BRWD1: variants seen among roughly 807,000 people sequenced by gnomAD.
BRWD1 encodes the protein bromodomain and WD repeat-containing protein 1.
Under a neutral mutation model 251.2 loss-of-function variants are expected in BRWD1, and 82 were observed. The ratio of observed to expected loss-of-function variants is 0.33; its 90% CI spans 0.27 to 0.39. The LOEUF (loss-of-function observed/expected upper bound fraction) is 0.39, where lower values mean the gene tolerates loss of function less well. BRWD1 is among the 10% of genes least tolerant of loss of function. BRWD1 has a pLI of 1.00. For synonymous variants in BRWD1, 918 were observed against 902.8 expected (o/e 1.02, Z -0.30); for missense variants, 2,233 against 2,711.6 (o/e 0.82, Z 3.92).
chr21:39,293,975 T>C lies in BRWD1; in HGVS notation c.667A>G (p.Thr223Ala), dbSNP rs1290186325. Reference protein sequence around the residue: ...WSTHNGRLLSTLRGHSAEISD... With the variant: ...WSTHNGRLLSALRGHSAEISD... ...ATTTCTGCAGAATGACCTCTTAATG[T>C]AGATAACAAGCGGCCATTATGTGTT... The change falls in exon 8 of 41, where the codon ACA becomes GCA. Residue 223 changes from threonine (T) to alanine (A), a missense_variant. Physicochemically the swap from Thr to Ala is moderately conservative, Grantham distance 58. Transcript: ENST00000342449. 2 of 1,614,236 alleles carry C rather than the reference T, an allele frequency of 1.2e-6. No homozygotes were observed. Among genetic ancestry groups the C allele is most frequent in the East Asian group, 2.2e-5 (1 of 44,878 alleles).
chr21:39,290,174 G>A (rs2035766264), intron 8 of BRWD1, among the ~76,000 whole-genome samples: 1 of 151,816 alleles, frequency 6.6e-6, no homozygotes, highest in African/African-American at 2.4e-5. Flanking sequence ...AGTTTCATCA[G>A]TTGTGTTCAG....
chr21:39,283,796 T>C (rs920904858), intron 8 of BRWD1, among the ~76,000 whole-genome samples: 10 of 152,354 alleles, frequency 6.6e-5, no homozygotes, highest in South Asian at 4.1e-4. Flanking sequence ...TGTTTTGTTA[T>C]GCCCCCTCAA....
At chr21:39,229,706 C>A (rs1272819598) in intron 25 of BRWD1, among the ~76,000 whole-genome samples, 1 of 152,122 alleles carries the variant, frequency 6.6e-6, no homozygotes, top group African/African-American at 2.4e-5. Flanking sequence ...TATCTAACGA[C>A]AATCACTGTT....
chr21:39,264,710 G>C (rs746754632), intron 16 of BRWD1, 25 bp from the exon 17 acceptor site: 4 of 1,548,978 alleles, frequency 2.6e-6, no homozygotes, highest in Middle Eastern at 2.0e-4. Flanking sequence ...TTCACAGGAT[G>C]ACATTTTAAG....
chr21:39,305,845 G>A (rs775050880), intron 4 of BRWD1, among the ~76,000 whole-genome samples: 68 of 146,048 alleles, frequency 4.7e-4, no homozygotes, highest in Non-Finnish European at 7.1e-4. Flanking sequence ...GCCTGGCGAC[G>A]GTGCAAGACT....
chr21:39,191,122 A>C lies in BRWD1; in HGVS notation c.*5137T>G. 1 of 985,390 alleles carries C rather than the reference A, an allele frequency of 1.0e-6. No individual in the cohort carries two copies. Among genetic ancestry groups the C allele is most frequent in the Non-Finnish European group, 1.2e-6 (1 of 829,896 alleles). 61.0% of individuals were successfully genotyped at this position (985,390 alleles called of 1,614,324 possible). ...CTTAAGAGCATTTCACACTAAATGC[A>C]GGCAGAATCAGAAGTAAATACTTGT... is the stretch of plus-strand genomic sequence containing the variant. On this transcript the variant is annotated 3_prime_UTR_variant, in exon 41 of 41. Transcript: ENST00000342449.
Position 39,192,698 on chromosome 21 carries a change from C to A in BRWD1, c.*3561G>T. On this transcript the variant is annotated 3_prime_UTR_variant, in exon 41 of 41. Coordinates refer to ENST00000342449, the MANE Select transcript of BRWD1 (RefSeq NM_033656.4). ...GCTTTAAAAGGGCAAAGCAAAAAGA[C>A]CATTTTCTAGCCATTTAAAAGTTAC... 4.1e-6 allele frequency: 4 copies of A among 985,046 alleles called. No individual in the cohort carries two copies. Among genetic ancestry groups the A allele is most frequent in the Non-Finnish European group, 4.8e-6 (4 of 829,736 alleles). 61.0% of individuals were successfully genotyped at this position (985,046 alleles called of 1,614,324 possible). A position where few individuals can be genotyped will look rare whatever the true frequency, so the allele number is the denominator to read the frequency against.
At chr21:39,198,216 T>G (rs763394118) in intron 40 of BRWD1, among the ~76,000 whole-genome samples, 2 of 152,200 alleles carry the variant, frequency 1.3e-5, no homozygotes, top group Non-Finnish European at 2.9e-5. Context: ...TTTCACCACT[T>G]TGTGCTCCAG....
chr21:39,275,876 T>C (rs989411225), intron 12 of BRWD1, among the ~76,000 whole-genome samples: 7 of 151,838 alleles, frequency 4.6e-5, no homozygotes, highest in African/African-American at 7.3e-5. Context: ...CTACTAAAAA[T>C]ACAAAGTTAG....
intron 8 of BRWD1, among the ~76,000 whole-genome samples, chr21:39,288,829 T>A (rs2035721825): frequency 6.6e-6 from 1 of 152,150 alleles, no homozygotes; most frequent in Non-Finnish European, 1.5e-5. Flanking sequence ...TTGAATAGGC[T>A]GAAGAGGAGG....
intron 9 of BRWD1, among the ~76,000 whole-genome samples, chr21:39,279,638 CAAAAAAAAAAAA>C (rs77282416): frequency 7.5e-5 from 5 of 66,892 alleles, no homozygotes; most frequent in East Asian, 1.6e-3. Context: ...GACTCCATCT[CAAAAAAAAAAAA>C]AAAAAAGAAA....
intron 4 of BRWD1, among the ~76,000 whole-genome samples, chr21:39,308,162 A>T (rs2036349284): frequency 6.6e-6 from 1 of 150,948 alleles, no homozygotes; most frequent in Admixed American, 6.6e-5. Context: ...AGCCTTAGCC[A>T]CCACACTTGG....
intron 21 of BRWD1, among the ~76,000 whole-genome samples, chr21:39,246,606 A>G (rs2034198090): frequency 6.6e-6 from 1 of 152,242 alleles, no homozygotes; most frequent in Non-Finnish European, 1.5e-5. Flanking sequence ...TGGAAACAAT[A>G]CAAATGTCCA....
rs141329925 is a variant in BRWD1 at position 39,200,270 on chromosome 21, T to C, written c.4702A>G (p.Arg1568Gly). The C allele has an allele frequency of 8.9e-5, 144 of 1,613,978 alleles. No individual in the cohort carries two copies. The highest frequency in any genetic ancestry group is 1.2e-4 in the Non-Finnish European group (141 of 1,179,962). Reference protein sequence around the residue: ...RESSSRSGLSRSSNLRVTRTR... With the variant: ...RESSSRSGLSGSSNLRVTRTR... ...CTGGTTACCCTGAGATTGCTGCTTC[T>C]GGATAGCCCACTGCGTGAGGAGGAT... Residue 1568 changes from arginine to glycine, a missense_variant, in exon 39 of 41, where the codon AGA (arginine) becomes GGA (glycine). By Grantham distance (125) the Arg-to-Gly change is moderately radical (BLOSUM62 -2). Transcript: ENST00000342449.
chr21:39,255,932 GAACT>G (rs2034549285), intron 18 of BRWD1, 104 bp from the exon 19 acceptor site: 15 of 1,004,396 alleles, frequency 1.5e-5, no homozygotes, highest in Admixed American at 8.1e-5. Context: ...CAAAAATAAA[GAACT>G]AAGAGAAGAT....
intron 13 of BRWD1, among the ~76,000 whole-genome samples, chr21:39,270,664 A>G (rs2035069560): frequency 6.6e-6 from 1 of 152,218 alleles, no homozygotes; most frequent in Non-Finnish European, 1.5e-5. Context: ...ATAAGGGCAG[A>G]TTTTAGGACA....
chr21:39,276,577 T>A (rs2146691305), intron 11 of BRWD1, among the ~76,000 whole-genome samples: 1 of 152,350 alleles, frequency 6.6e-6, no homozygotes, highest in South Asian at 2.1e-4. Flanking sequence ...CATTTTCAAT[T>A]GTTGTTTTAA....
intron 27 of BRWD1, among the ~76,000 whole-genome samples, chr21:39,227,336 T>C (rs901203020): frequency 6.6e-6 from 1 of 150,648 alleles, no homozygotes; most frequent in Non-Finnish European, 1.5e-5. Flanking sequence ...ACAAGCTCCC[T>C]GGATAGCATT....
At chr21:39,274,513 T>C (rs767404586) in intron 12 of BRWD1, 41 bp from the exon 13 acceptor site, 38 of 1,463,686 alleles carry the variant, frequency 2.6e-5, no homozygotes, top group Non-Finnish European at 3.4e-5. Flanking sequence ...ATTCACACAC[T>C]TTCCAACAAG....
Sources: allele counts gnomAD v4.1 joint callset (sites outside exome capture counted in the v4.1 genomes callset), GRCh38; gene constraint gnomAD v4.1.1; transcripts MANE v1.5; gene names NCBI Gene and HGNC (gene_info 2026-07-23, HGNC 2026-07-21).